B4GALT4: variants seen among roughly 807,000 people sequenced by gnomAD.
The protein encoded by B4GALT4 is N-acetyllactosamine synthase.
In B4GALT4, 27 loss-of-function variants were observed where a neutral mutation model predicts 37.3. That is an observed-to-expected ratio of 0.72 (90% CI 0.53 to 1.00). The LOEUF is 1.00. Among genes scored for constraint, B4GALT4 ranks in the 50% least tolerant of loss-of-function variants. The pLI is 0.00. For missense variants in B4GALT4, 372 were observed against 413.1 expected, an observed-to-expected ratio of 0.90 and a Z score of 0.86; for synonymous variants, 148 against 154.1, an observed-to-expected ratio of 0.96 and a Z score of 0.29.
At chr3:119,226,556 G>C (rs1404128945) in intron 4 of B4GALT4, 1 of 485,246 alleles carries the variant, frequency 2.1e-6, no homozygotes, top group African/African-American at 1.9e-5. Context: ...GGCTAACATG[G>C]AAGGGCTCAC....
At chr3:119,235,090 A>G (rs745479752) in intron 2 of B4GALT4, 1 of 152,270 alleles carries the variant, frequency 6.6e-6, no homozygotes, top group African/African-American at 2.4e-5. Flanking sequence ...GTGGGAGAAC[A>G]GATGAAACAA....
chr3:119,240,258 G>T (rs2079113310), intron 1 of B4GALT4: 1 of 151,842 alleles, frequency 6.6e-6, no homozygotes. Context: ...TTCAAACCAA[G>T]AATTAACAGC....
intron 7 of B4GALT4, 133 bp from the exon 8 acceptor site, chr3:119,212,814 G>T: frequency 2.2e-6 from 2 of 919,006 alleles, no homozygotes; most frequent in South Asian, 2.0e-5. Context: ...CCATTACAAA[G>T]TTTGTTTGCC....
chr3:119,230,266 C>A, intron 2 of B4GALT4, 22 bp from the exon 3 acceptor site: 1 of 855,318 alleles, frequency 1.2e-6, no homozygotes, highest in Non-Finnish European at 1.8e-6. Flanking sequence ...TCACAAAAGA[C>A]ACGTTGTTTC....
At position 119,218,672 on chromosome 3, in the gene B4GALT4, C is replaced by T. The variant is rs1314966890; in HGVS notation, c.775G>A (p.Glu259Lys). 4.3e-6 allele frequency: 7 copies of T among 1,614,084 alleles called. No individual in the cohort carries two copies. The highest frequency in any genetic ancestry group is 2.2e-5 in the East Asian group (1 of 44,898). The part of the protein sequence containing the change: ...FSNNYWGWGG[E>K]DDDLRLRVEL... ...CACCTGAGTCTGAGGTCATCGTCTT[C>T]GCCTCCCCATCCCCAGTAGTTGTTA... The change falls in exon 6 of 8, where the codon GAA becomes AAA. Residue 259 changes from glutamate (E) to lysine (K), a missense_variant. Coordinates refer to ENST00000393765, the MANE Select transcript of B4GALT4 (RefSeq NM_003778.4).
At chr3:119,213,853 T>C (rs563333570) in intron 7 of B4GALT4, 37 of 152,188 alleles carry the variant, frequency 2.4e-4, no homozygotes, top group African/African-American at 7.7e-4. Context: ...TAGAAAAACA[T>C]AGAAAATAGA....
At chr3:119,233,308 G>C (rs2078882506) in intron 2 of B4GALT4, among the ~76,000 whole-genome samples, 1 of 152,192 alleles carries the variant, frequency 6.6e-6, no homozygotes, top group African/African-American at 2.4e-5. Flanking sequence ...GGGTACATGG[G>C]AAATCTCTGT....
At chr3:119,231,787 T>C (rs1247247368) in intron 2 of B4GALT4, among the ~76,000 whole-genome samples, 1 of 93,344 alleles carries the variant, frequency 1.1e-5, no homozygotes, top group East Asian at 2.8e-4. Context: ...TTTAATAGTA[T>C]ATTTTATAAA....
chr3:119,240,411 G>C (rs2079119174), intron 1 of B4GALT4: 1 of 152,246 alleles, frequency 6.6e-6, no homozygotes. Flanking sequence ...ACTGGGGCTG[G>C]TGTCAGCTGA....
Position 119,222,852 on chromosome 3 carries a change from T to C in B4GALT4, c.674+1206A>G, listed in dbSNP as rs965296149. 3.9e-5 allele frequency among the ~76,000 whole-genome samples: 6 copies of C among 152,194 alleles called. No homozygotes were observed. In the East Asian group the frequency reaches 5.8e-4, roughly 15 times the overall value. Reference sequence around the variant, plus strand: ...AAAGACACTGTGCTCTCACCCACCATAGTTTGTTCTAGGTGTTTATGTCCT... The same window carrying C: ...AAAGACACTGTGCTCTCACCCACCACAGTTTGTTCTAGGTGTTTATGTCCT... On this transcript the variant is annotated intron_variant, in intron 5 of 7. Transcript: ENST00000393765.
chr3:119,237,382 T>A (rs1168622433), intron 1 of B4GALT4, among the ~76,000 whole-genome samples: 1 of 152,240 alleles, frequency 6.6e-6, no homozygotes, highest in African/African-American at 2.4e-5. Flanking sequence ...TTTTGACAAG[T>A]AACCTAAATG....
chr3:119,238,706 T>C (rs1373646603), intron 1 of B4GALT4, among the ~76,000 whole-genome samples: 6 of 152,196 alleles, frequency 3.9e-5, no homozygotes, highest in Non-Finnish European at 2.9e-5. Flanking sequence ...ACAGCGTATA[T>C]AGGGTTTGGC....
chr3:119,229,971 T>C lies in B4GALT4; in HGVS notation c.129A>G (p.Lys43=), dbSNP rs772275586. Reference sequence around the variant, plus strand: ...GGAAATTAGCCATGAACTCCTTTGCTTTAGGAATCTCTTGAATGGCACCCA... The same window carrying C: ...GGAAATTAGCCATGAACTCCTTTGCCTTAGGAATCTCTTGAATGGCACCCA... The part of the protein sequence containing the change: ...YFVGAIQEIP[K]AKEFMANFHK... The change falls in exon 3 of 8, where the codon AAA becomes AAG. Residue 43 remains lysine (K), a synonymous_variant. Transcript: ENST00000393765. 106 of 1,614,080 alleles carry C rather than the reference T, an allele frequency of 6.6e-5. No individual in the cohort carries two copies. Among genetic ancestry groups the C allele is most frequent in the Non-Finnish European group, 8.4e-5 (99 of 1,180,046 alleles).
intron 5 of B4GALT4, 71 bp downstream of exon 5, chr3:119,223,987 T>C: frequency 7.1e-7 from 1 of 1,415,266 alleles, no homozygotes; most frequent in Non-Finnish European, 9.4e-7. Flanking sequence ...CTCTGGATGC[T>C]TGTTCCACCC....
chr3:119,219,268 C>T (rs2078378627), intron 5 of B4GALT4, among the ~76,000 whole-genome samples: 2 of 152,192 alleles, frequency 1.3e-5, no homozygotes, highest in African/African-American at 2.4e-5. Context: ...ACTCTGTATG[C>T]AAATCTCCAC....
chr3:119,229,120 A>G (rs1410731831), intron 3 of B4GALT4, among the ~76,000 whole-genome samples: 4 of 152,242 alleles, frequency 2.6e-5, no homozygotes, highest in Non-Finnish European at 4.4e-5. Context: ...CCTTGACTCC[A>G]TAGTTTTGGC....
intron 3 of B4GALT4, among the ~76,000 whole-genome samples, chr3:119,227,390 T>G (rs957776171): frequency 3.3e-5 from 5 of 152,192 alleles, no homozygotes; most frequent in African/African-American, 1.2e-4. Flanking sequence ...CTTTGGTCTA[T>G]CCTCTTTTCC....
chr3:119,229,361 T>C (rs970985253), intron 3 of B4GALT4, among the ~76,000 whole-genome samples: 1 of 152,254 alleles, frequency 6.6e-6, no homozygotes, highest in East Asian at 1.9e-4. Flanking sequence ...GGTCTGTTCC[T>C]ATGACGGAAT....
chr3:119,233,233 G>A (rs1487888225), intron 2 of B4GALT4: 6 of 152,188 alleles, frequency 3.9e-5, no homozygotes, highest in Admixed American at 3.3e-4. Context: ...AGATCTTAAA[G>A]ACCACACATC....
Sources: allele counts gnomAD v4.1 joint callset (sites outside exome capture counted in the v4.1 genomes callset), GRCh38; gene constraint gnomAD v4.1.1; transcripts MANE v1.5; gene names NCBI Gene and HGNC (gene_info 2026-07-23, HGNC 2026-07-21).